The following GIMAP4 variants were observed in gnomAD, a reference collection of about 807,000 sequenced individuals.
The protein encoded by GIMAP4 is GTPase, IMAP family member 4, also known as GTPase IMAP family member 4.
GIMAP4 carries 12 observed loss-of-function variants against 10.8 expected under a neutral mutation model. The observed-to-expected ratio is 1.11, with a 90% CI of 0.71 to 1.81. The LOEUF (loss-of-function observed/expected upper bound fraction) is 1.81, where lower values mean the gene tolerates loss of function less well. Ranked by LOEUF, GIMAP4 falls within the 40% of genes most tolerant of loss-of-function variation. The probability of loss-of-function intolerance (pLI) is 0.00; values close to 1 mark genes in which losing one functional copy is unlikely to be tolerated. For synonymous variants in GIMAP4, 149 were observed against 147.2 expected (o/e 1.01, Z -0.09); for missense variants, 412 against 404.6 (o/e 1.02, Z -0.16).
chr7:150,570,887 T>G (rs1204673557), intron 2 of GIMAP4, among the ~76,000 whole-genome samples: 1 of 152,160 alleles, frequency 6.6e-6, no homozygotes, highest in Admixed American at 6.5e-5. Flanking sequence ...ACTGTCCTAC[T>G]GTCCAGAGCA....
intron 1 of GIMAP4, 87 bp from the exon 2 acceptor site, chr7:150,569,801 A>G: frequency 1.4e-6 from 1 of 706,342 alleles, no homozygotes; most frequent in Non-Finnish European, 2.6e-6. Flanking sequence ...CATGGCAAAA[A>G]GAAAGTTGTT....
At chr7:150,571,148 A>G (rs1317277) in intron 2 of GIMAP4, among the ~76,000 whole-genome samples, 12,770 of 152,082 alleles carry the variant, frequency 0.084, 1,661 homozygotes, top group African/African-American at 0.28. Context: ...ATGGCCAAAA[A>G]ATGCCCTCAG....
chr7:150,567,475 G>A (rs1170579103), intron 1 of GIMAP4, 38 bp downstream of exon 1: 2 of 152,144 alleles, frequency 1.3e-5, no homozygotes, highest in African/African-American at 2.4e-5. Flanking sequence ...GGGTCGGGAC[G>A]AATGTGCGAT....
rs982514430 is a variant in GIMAP4, at chr7:150,568,273, T to C, written c.-15+836T>C. Among the ~76,000 whole-genome samples the C allele has an allele frequency of 8.5e-5, 13 of 152,194 alleles. No individual in the cohort carries two copies. The East Asian group carries it at 2.5e-3, about 29-fold the overall frequency. Reference sequence around the variant, plus strand: ...CTAACACCAGCCACCAAAGCTGATTTTTAAAAAATGCCATGATTTCTCTTG... The same window carrying C: ...CTAACACCAGCCACCAAAGCTGATTCTTAAAAAATGCCATGATTTCTCTTG... On this transcript the variant is annotated intron_variant, in intron 1 of 2. Coordinates refer to ENST00000255945, the MANE Select transcript of GIMAP4 (RefSeq NM_018326.3).
intron 1 of GIMAP4, among the ~76,000 whole-genome samples, chr7:150,568,175 C>G (rs114635199): frequency 6.6e-6 from 1 of 152,140 alleles, no homozygotes; most frequent in African/African-American, 2.4e-5. Flanking sequence ...TATGAAGAAA[C>G]ACCCAGAGAA....
At chr7:150,569,864 A>T in intron 1 of GIMAP4, 24 bp from the exon 2 acceptor site, 1 of 1,038,886 alleles carries the variant, frequency 9.6e-7, no homozygotes, top group Non-Finnish European at 1.5e-6. Context: ...CTAAAATGAC[A>T]TGGTTATGTT....
intron 2 of GIMAP4, among the ~76,000 whole-genome samples, chr7:150,571,546 C>G (rs1453706820): frequency 2.0e-5 from 3 of 152,094 alleles, no homozygotes; most frequent in Admixed American, 1.3e-4. Context: ...TTTGGGAGGC[C>G]GAGGCGGGTG....
Position 150,573,011 on chromosome 7 carries a change from C to T in GIMAP4, c.941C>T (p.Ala314Val), listed in dbSNP as rs1466764894. The T allele has an allele frequency of 7.5e-6, 12 of 1,608,478 alleles. No homozygotes were observed. The highest frequency in any genetic ancestry group is 1.0e-5 in the Non-Finnish European group (12 of 1,177,006). ...KDGILELIMT[A>V]LQIASFILLR... ...GGGATACTTGAATTAATCATGACAG[C>T]GTTACAGATTGCTTCCTTTATTTTG... Residue 314 changes from alanine to valine, a missense_variant, in exon 3 of 3, where the codon GCG becomes GTG. Coordinates refer to ENST00000255945, the MANE Select transcript of GIMAP4 (RefSeq NM_018326.3).
In GIMAP4 at chr7:150,572,690, G is replaced by C. The variant is rs1436248227; in HGVS notation, c.620G>C (p.Gly207Ala). Residue 207 changes from glycine to alanine, a missense_variant, in exon 3 of 3, where the codon GGC (glycine) becomes GCC (alanine). Gly to Ala is a moderately conservative substitution (Grantham distance 60). Transcript: ENST00000255945. ...GAGGCCCAGAGGGCACAGTTGCTGGGCCTGATCCAGCGCGTGGTGAGGGAG... is the reference window on the plus strand; with the variant it reads ...GAGGCCCAGAGGGCACAGTTGCTGGCCCTGATCCAGCGCGTGGTGAGGGAG... The part of the protein sequence containing the change: ...EQEAQRAQLL[G>A]LIQRVVRENK... 8 of 1,614,186 alleles carry C rather than the reference G, an allele frequency of 5.0e-6. No individual in the cohort carries two copies. The Admixed American group carries it at 8.3e-5, about 17-fold the overall frequency.
chr7:150,572,661 G>A lies in GIMAP4; in HGVS notation c.591G>A (p.Glu197=), dbSNP rs1362466216. The change falls in exon 3 of 3, where the codon GAG becomes GAA. Residue 197 remains glutamate (E), a synonymous_variant. Coordinates refer to ENST00000255945, the MANE Select transcript of GIMAP4 (RefSeq NM_018326.3). The part of the protein sequence containing the change: ...CALNNKATGA[E]QEAQRAQLLG... ...TAAACAACAAGGCAACAGGCGCTGAGCAGGAGGCCCAGAGGGCACAGTTGC... is the reference window on the plus strand; with the variant it reads ...TAAACAACAAGGCAACAGGCGCTGAACAGGAGGCCCAGAGGGCACAGTTGC... 1 of 1,614,088 alleles carries A rather than the reference G, an allele frequency of 6.2e-7. No individual in the cohort carries two copies. The highest frequency in any genetic ancestry group is 8.5e-7 in the Non-Finnish European group (1 of 1,180,036).
At chr7:150,569,403 G>A (rs1563317763) in intron 1 of GIMAP4, among the ~76,000 whole-genome samples, 2 of 152,144 alleles carry the variant, frequency 1.3e-5, no homozygotes, top group African/African-American at 4.8e-5. Flanking sequence ...CAGGAGCCAC[G>A]GGGCTAGATG....
chr7:150,573,278 C>G lies in GIMAP4; in HGVS notation c.*218C>G. 2.1e-6 allele frequency: 1 copy of G among 477,452 alleles called. No individual in the cohort carries two copies. The highest frequency in any genetic ancestry group is 3.7e-6 in the Non-Finnish European group (1 of 270,012). 29.6% of individuals were successfully genotyped at this position (477,452 alleles called of 1,614,324 possible). On this transcript the variant is annotated 3_prime_UTR_variant, in exon 3 of 3. Transcript: ENST00000255945. Reference sequence around the variant, plus strand: ...AGCAGAAAGTATTGGTGCTTGCTACCTTGTGAATTCTTCCTTAGACATGCA... The same window carrying G: ...AGCAGAAAGTATTGGTGCTTGCTACGTTGTGAATTCTTCCTTAGACATGCA...
chr7:150,572,495 G>C lies in GIMAP4; in HGVS notation c.425G>C (p.Gly142Ala). ...ACAGAGAAGATCCTGAAAATGTTTG[G>C]AGAGAGGGCTAGAAGTTTCATGATT... ...KATEKILKMF[G>A]ERARSFMILI... Residue 142 changes from glycine to alanine, a missense_variant, in exon 3 of 3, where the codon GGA becomes GCA. Physicochemically the swap from Gly to Ala is moderately conservative, Grantham distance 60. Transcript: ENST00000255945. The C allele has an allele frequency of 6.2e-7, 1 of 1,614,154 alleles. No homozygotes were observed. Among genetic ancestry groups the C allele is most frequent in the Non-Finnish European group, 8.5e-7 (1 of 1,180,006 alleles).
intron 1 of GIMAP4, among the ~76,000 whole-genome samples, chr7:150,569,599 C>T (rs986468755): frequency 2.0e-5 from 3 of 152,086 alleles, no homozygotes; most frequent in African/African-American, 7.2e-5. Context: ...GTGTAGGCTA[C>T]AGACCTCATA....
In GIMAP4 at chr7:150,572,830, C is replaced by T. The variant is rs183665747; in HGVS notation, c.760C>T (p.Arg254Trp). 1.9e-5 allele frequency: 31 copies of T among 1,613,398 alleles called. No individual in the cohort carries two copies. The East Asian group carries it at 2.2e-4, about 12-fold the overall frequency. Reference protein sequence around the residue: ...HRVELEREKARIREEYEEKIR... With the variant: ...HRVELEREKAWIREEYEEKIR... ...AGTGGAGCTGGAGAGAGAGAAAGCG[C>T]GGATAAGAGAGGAGTATGAAGAGAA... The change falls in exon 3 of 3, where the codon CGG becomes TGG. Residue 254 changes from arginine to tryptophan, a missense_variant. Arg to Trp is a moderately radical substitution (Grantham distance 101). Transcript: ENST00000255945.
rs1795765410 is a variant in GIMAP4, at chr7:150,573,663, TAA to T, written c.*605_*606del. On this transcript the variant is annotated 3_prime_UTR_variant, in exon 3 of 3. Coordinates refer to ENST00000255945, the MANE Select transcript of GIMAP4 (RefSeq NM_018326.3). Reference sequence around the variant, plus strand: ...GAAAATCGATCTCTACAAATTCAATTAAATAATGATCCCCAAATGCTGAAAAA... The same window carrying T: ...GAAAATCGATCTCTACAAATTCAATTATAATGATCCCCAAATGCTGAAAAA... 6.6e-6 allele frequency: 1 copy of T among 152,252 alleles called. No homozygotes were observed. The allele number at this position is 152,252 out of a possible 1,614,324, so 9.4% of individuals were successfully genotyped here.
chr7:150,569,014 C>A (rs1346717428), intron 1 of GIMAP4, among the ~76,000 whole-genome samples: 2 of 152,034 alleles, frequency 1.3e-5, no homozygotes, highest in South Asian at 2.1e-4. Context: ...GTGGAAGGAG[C>A]CTAGATTTCC....
intron 2 of GIMAP4, 77 bp downstream of exon 2, chr7:150,570,036 TA>T: frequency 3.2e-6 from 2 of 633,814 alleles, no homozygotes; most frequent in East Asian, 3.3e-5. Flanking sequence ...TGGGGGGGAA[TA>T]GGGGTGGGGT....
intron 2 of GIMAP4, among the ~76,000 whole-genome samples, 154 bp from the exon 3 acceptor site, chr7:150,571,975 T>C (rs1181997329): frequency 6.6e-6 from 1 of 152,170 alleles, no homozygotes; most frequent in Admixed American, 6.5e-5. Flanking sequence ...AAAATGAGCA[T>C]CAGGCCTACA....
Sources: gnomAD v4.1 joint callset for allele counts (sites outside exome capture counted in the v4.1 genomes callset) on GRCh38, gnomAD v4.1.1 for gene constraint, MANE v1.5 for transcripts, NCBI Gene and HGNC (gene_info 2026-07-23, HGNC 2026-07-21) for gene names.